Variants in SOX6 observed in about 807,000 individuals in gnomAD.
SOX6 encodes the protein transcription factor SOX-6.
Under a neutral mutation model 97.8 loss-of-function variants are expected in SOX6, and 11 were observed. The observed-to-expected ratio is 0.11, with a 90% CI of 0.07 to 0.19. The LOEUF is 0.19. Ranked by LOEUF, SOX6 falls within the 10% of genes least tolerant of loss-of-function variation. The pLI is 1.00. For missense variants in SOX6, 810 were observed against 1,039.5 expected (o/e 0.78, Z 3.04); for synonymous variants, 360 against 371.4 (o/e 0.97, Z 0.35).
At position 16,561,974 on chromosome 11, in the gene SOX6, G is replaced by A. The variant is rs541071464; in HGVS notation, n.609+50107C>T. 1.6e-4 allele frequency among the ~76,000 whole-genome samples: 25 copies of A among 151,782 alleles called. No individual in the cohort carries two copies. In the South Asian group the frequency reaches 1.7e-3, roughly 10 times the overall value. On this transcript the variant is annotated intron_variant and non_coding_transcript_variant, in intron 4 of 5. Transcript: ENST00000524520. Reference sequence around the variant, plus strand: ...ACTCCTGACCTCAAACTATCCACCCGCCTTGGTCTCCCAAAGTATAAGGAT... The same window carrying A: ...ACTCCTGACCTCAAACTATCCACCCACCTTGGTCTCCCAAAGTATAAGGAT...
At chr11:16,572,473 C>T (rs1216001950) in intron 4 of SOX6, among the ~76,000 whole-genome samples, 1 of 152,136 alleles carries the variant, frequency 6.6e-6, no homozygotes, top group Non-Finnish European at 1.5e-5. Flanking sequence ...ACTAATATTT[C>T]CCAACACTTA....
At chr11:16,167,599 C>A (rs1348642878) in intron 6 of SOX6, among the ~76,000 whole-genome samples, 1 of 152,146 alleles carries the variant, frequency 6.6e-6, no homozygotes, top group Non-Finnish European at 1.5e-5. Flanking sequence ...TTACCCCTAC[C>A]CTGGCCAGCC....
chr11:16,714,539 C>T (rs1848205005), intron 3 of SOX6, among the ~76,000 whole-genome samples: 1 of 150,722 alleles, frequency 6.6e-6, no homozygotes, highest in Non-Finnish European at 1.5e-5. Flanking sequence ...GCAACCTCCG[C>T]CTCCCGGGTT....
chr11:16,198,311 G>A (rs1407343973), intron 4 of SOX6, among the ~76,000 whole-genome samples: 2 of 148,500 alleles, frequency 1.3e-5, no homozygotes, highest in Non-Finnish European at 3.0e-5. Flanking sequence ...CCTGGCCTCA[G>A]GTGATCCACC....
intron 6 of SOX6, among the ~76,000 whole-genome samples, chr11:16,117,504 C>T (rs1376013756): frequency 6.6e-6 from 1 of 152,204 alleles, no homozygotes; most frequent in African/African-American, 2.4e-5. Flanking sequence ...ATTAAAGCAA[C>T]AACTTTTCCC....
intron 2 of SOX6, among the ~76,000 whole-genome samples, chr11:16,730,452 C>T (rs531599482): frequency 4.4e-4 from 67 of 152,150 alleles, no homozygotes; most frequent in African/African-American, 1.4e-3. Flanking sequence ...CACTCAAAAC[C>T]GCACAACTAC....
intron 6 of SOX6, among the ~76,000 whole-genome samples, chr11:16,166,489 T>C (rs1429611289): frequency 6.6e-6 from 1 of 152,250 alleles, no homozygotes; most frequent in African/African-American, 2.4e-5. Context: ...AACTATTCAA[T>C]TCAACAACAT....
intron 13 of SOX6, among the ~76,000 whole-genome samples, chr11:16,006,508 C>A (rs2133851889): frequency 6.6e-6 from 1 of 152,164 alleles, no homozygotes; most frequent in Middle Eastern, 3.4e-3. Context: ...CTGGAGCTTT[C>A]CTATGAAGGT....
intron 4 of SOX6, among the ~76,000 whole-genome samples, chr11:16,213,142 G>A (rs1852273209): frequency 6.6e-6 from 1 of 151,974 alleles, no homozygotes; most frequent in Non-Finnish European, 1.5e-5. Flanking sequence ...GGTGGCACAT[G>A]GAGCTGGATA....
chr11:16,311,604 A>C (rs1374247645), intron 3 of SOX6: 4 of 152,156 alleles, frequency 2.6e-5, no homozygotes, highest in Admixed American at 2.6e-4. Flanking sequence ...GAGAAACTGA[A>C]GCAGAGAGAT....
At position 16,289,700 on chromosome 11, in the gene SOX6, G is replaced by A. The variant is rs190294817; in HGVS notation, c.445+28746C>T. The stretch of plus-strand genomic sequence containing the variant: ...TTCTAGGTGCATCTGGGCTTTATTC[G>A]CAGCCTATCAATTCTGTGTCTGACA... On this transcript the variant is annotated intron_variant, in intron 3 of 15. Transcript: ENST00000683767. Among the ~76,000 whole-genome samples, 370 of 152,004 alleles carry A rather than the reference G, an allele frequency of 2.4e-3. 1 individual carries two copies. Among genetic ancestry groups the A allele is most frequent in the Non-Finnish European group, 4.2e-3 (283 of 67,906 alleles).
intron 13 of SOX6, among the ~76,000 whole-genome samples, chr11:16,002,476 C>T (rs539300360): frequency 7.9e-5 from 12 of 152,144 alleles, no homozygotes; most frequent in African/African-American, 2.9e-4. Flanking sequence ...CTACAGAATC[C>T]CAGGGCAGCT....
At chr11:16,732,408 AAC>A (rs1320479727) in intron 2 of SOX6, among the ~76,000 whole-genome samples, 1 of 152,196 alleles carries the variant, frequency 6.6e-6, no homozygotes, top group Non-Finnish European at 1.5e-5. Flanking sequence ...AACAGAACAG[AAC>A]AGAGGCTTCT....
chr11:16,245,537 G>T (rs550673685), intron 3 of SOX6, among the ~76,000 whole-genome samples: 8 of 151,738 alleles, frequency 5.3e-5, no homozygotes, highest in Non-Finnish European at 1.2e-4. Flanking sequence ...AAATCACCAA[G>T]AATAATTAGA....
intron 9 of SOX6, among the ~76,000 whole-genome samples, chr11:16,076,838 C>A (rs1848366693): frequency 6.7e-6 from 1 of 148,178 alleles, no homozygotes; most frequent in Non-Finnish European, 1.5e-5. Context: ...ACTGCAAGCT[C>A]CGCTTCCCGG....
At chr11:16,258,460 C>G (rs1427008068) in intron 3 of SOX6, among the ~76,000 whole-genome samples, 1 of 151,852 alleles carries the variant, frequency 6.6e-6, no homozygotes, top group Non-Finnish European at 1.5e-5. Context: ...TCTCATAAAG[C>G]TATTATGCAT....
At chr11:16,190,552 C>T (rs1390879093) in intron 4 of SOX6, among the ~76,000 whole-genome samples, 1 of 152,102 alleles carries the variant, frequency 6.6e-6, no homozygotes, top group East Asian at 1.9e-4. Context: ...GGGTTATATG[C>T]AAATACCAGG....
chr11:16,499,070 G>T (rs892325459), intron 4 of SOX6, among the ~76,000 whole-genome samples: 26 of 152,126 alleles, frequency 1.7e-4, no homozygotes, highest in Non-Finnish European at 2.4e-4. Flanking sequence ...AAAGCACTCC[G>T]CAGCAAATGT....
At chr11:16,426,470 T>A (rs1178044038) in intron 1 of SOX6, among the ~76,000 whole-genome samples, 1 of 151,530 alleles carries the variant, frequency 6.6e-6, no homozygotes, top group African/African-American at 2.4e-5. Flanking sequence ...CATAGACCAA[T>A]GGAACAAAAT....
Sources: gnomAD v4.1 joint callset for allele counts (sites outside exome capture counted in the v4.1 genomes callset) on GRCh38, gnomAD v4.1.1 for gene constraint, MANE v1.5 for transcripts, NCBI Gene and HGNC (gene_info 2026-07-23, HGNC 2026-07-21) for gene names.